The following MTMR3 variants were observed in gnomAD, a reference collection of about 807,000 sequenced individuals.
MTMR3 encodes the protein phosphatidylinositol-3,5-bisphosphate 3-phosphatase MTMR3.
A neutral mutation model predicts 132.4 loss-of-function variants in MTMR3; 32 were observed. The observed-to-expected ratio is 0.24, with a 90% CI of 0.18 to 0.32. The LOEUF (loss-of-function observed/expected upper bound fraction) is 0.32. MTMR3 is among the 10% of genes least tolerant of loss of function. The probability of loss-of-function intolerance (pLI) is 1.00; values close to 1 mark genes in which losing one functional copy is unlikely to be tolerated. For missense variants in MTMR3, 1,216 were observed against 1,489.6 expected, an observed-to-expected ratio of 0.82 and a Z score of 3.02; for synonymous variants, 556 against 550.3, an observed-to-expected ratio of 1.01 and a Z score of -0.14.
intron 5 of MTMR3, chr22:29,979,348 C>T (rs575384814): frequency 4.6e-5 from 11 of 240,790 alleles, no homozygotes; most frequent in Admixed American, 5.2e-5. Context: ...AAAAATTAGC[C>T]GGGCGTGGTG....
chr22:29,918,259 C>T (rs2065345709), intron 1 of MTMR3, among the ~76,000 whole-genome samples: 1 of 152,210 alleles, frequency 6.6e-6, no homozygotes, highest in Non-Finnish European at 1.5e-5. Flanking sequence ...TGCTTTCTTA[C>T]ACTAATATTC....
chr22:30,002,127 T>G (rs1456625807), intron 8 of MTMR3: 1 of 152,186 alleles, frequency 6.6e-6, no homozygotes, highest in Admixed American at 6.5e-5. Context: ...TATTGCTTCC[T>G]AGGATACCGG....
chr22:30,013,557 T>C lies in MTMR3; in HGVS notation c.1503+16T>C, dbSNP rs1200959751. 1 of 1,611,240 alleles carries C rather than the reference T, an allele frequency of 6.2e-7. No individual in the cohort carries two copies. Among genetic ancestry groups the C allele is most frequent in the Non-Finnish European group, 8.5e-7 (1 of 1,178,226 alleles). On this transcript the variant is annotated intron_variant, in intron 14 of 19. Coordinates refer to ENST00000401950, the MANE Select transcript of MTMR3 (RefSeq NM_021090.4). The stretch of plus-strand genomic sequence containing the variant: ...AGCATTCCTTGTAAGTTTCTTCATT[T>C]TGGGGACTTTCTCAATTTGAAGGAG...
chr22:30,007,908 T>G lies in MTMR3; in HGVS notation c.885T>G (p.Ser295=). 1 of 1,613,786 alleles carries G rather than the reference T, an allele frequency of 6.2e-7. No homozygotes were observed. Among genetic ancestry groups the G allele is most frequent in the South Asian group, 1.1e-5 (1 of 91,068 alleles). Residue 295 remains serine (S), a synonymous_variant, in exon 11 of 20, where the codon TCT becomes TCG. Transcript: ENST00000401950. ...CTCCCTCTGTGTCCCTAGATTCTTC[T>G]CTGTCAAATGCTTCAGGAGCAGAGA... ...GDLSDVEFDS[S]LSNASGAESL...
chr22:29,886,572 A>T (rs1351996369), intron 1 of MTMR3, among the ~76,000 whole-genome samples: 1 of 152,172 alleles, frequency 6.6e-6, no homozygotes, highest in African/African-American at 2.4e-5. Flanking sequence ...GACCTCAAGT[A>T]GTTTCTCTAG....
At chr22:29,897,933 ATACT>A (rs1188160421) in intron 1 of MTMR3, among the ~76,000 whole-genome samples, 1 of 152,116 alleles carries the variant, frequency 6.6e-6, no homozygotes, top group African/African-American at 2.4e-5. Context: ...ATTTTAGTAC[ATACT>A]TTCTATAATT....
At chr22:29,952,293 G>A (rs2066098206) in intron 1 of MTMR3, among the ~76,000 whole-genome samples, 1 of 152,130 alleles carries the variant, frequency 6.6e-6, no homozygotes, top group Non-Finnish European at 1.5e-5. Context: ...GTGCCCCACA[G>A]CTGGCAGAGT....
At chr22:30,021,824 A>C (rs1303202928) in intron 17 of MTMR3, 1 of 571,506 alleles carries the variant, frequency 1.7e-6, no homozygotes, top group African/African-American at 1.9e-5. Flanking sequence ...CACTGCACAC[A>C]ACCTGTGTAT....
At chr22:29,888,093 C>G (rs2064714471) in intron 1 of MTMR3, among the ~76,000 whole-genome samples, 1 of 152,110 alleles carries the variant, frequency 6.6e-6, no homozygotes, top group Non-Finnish European at 1.5e-5. Flanking sequence ...TCTCGGCTCA[C>G]TGTAACCTCT....
intron 10 of MTMR3, 187 bp downstream of exon 10, chr22:30,007,506 C>T: frequency 1.6e-6 from 1 of 643,798 alleles, no homozygotes; most frequent in South Asian, 2.0e-5. Context: ...TGTTTCAAAC[C>T]TGAATCAAGA....
chr22:29,947,177 T>C (rs2065969260), intron 1 of MTMR3, among the ~76,000 whole-genome samples: 1 of 152,178 alleles, frequency 6.6e-6, no homozygotes, highest in Non-Finnish European at 1.5e-5. Context: ...GATAAACATA[T>C]TATTTCTTTC....
Position 29,917,298 on chromosome 22 carries a change from T to A in MTMR3, c.-138+33939T>A, listed in dbSNP as rs550266362. On this transcript the variant is annotated intron_variant, in intron 1 of 19. Transcript: ENST00000401950. ...TCTTAGTAATATTAACCCCTTCACC[T>A]CCCCTGATAACCCAAGAAAAGATCC... 7.2e-5 allele frequency among the ~76,000 whole-genome samples: 11 copies of A among 152,232 alleles called. No individual in the cohort carries two copies. In the East Asian group the frequency reaches 2.1e-3, roughly 29 times the overall value.
chr22:29,999,444 A>G (rs1431061420), intron 8 of MTMR3: 2 of 152,232 alleles, frequency 1.3e-5, no homozygotes, highest in Non-Finnish European at 2.9e-5. Context: ...TCATATACAC[A>G]TTATACAGCT....
intron 1 of MTMR3, among the ~76,000 whole-genome samples, chr22:29,894,539 G>A (rs2064858654): frequency 7.1e-6 from 1 of 141,438 alleles, no homozygotes. Context: ...TGTGTGTGTT[G>A]TGGTATGTTT....
intron 1 of MTMR3, among the ~76,000 whole-genome samples, chr22:29,925,346 G>A (rs1162569940): frequency 6.6e-6 from 1 of 152,086 alleles, no homozygotes; most frequent in African/African-American, 2.4e-5. Context: ...ATTTTTTGAC[G>A]TCAGTGTTAA....
chr22:29,958,960 C>G (rs2066254213), intron 2 of MTMR3, among the ~76,000 whole-genome samples: 2 of 152,236 alleles, frequency 1.3e-5, no homozygotes, highest in South Asian at 2.1e-4. Context: ...ACTGTTTTTT[C>G]CCCACTTTTC....
intron 1 of MTMR3, among the ~76,000 whole-genome samples, chr22:29,948,382 A>T (rs935817838): frequency 1.3e-5 from 2 of 152,356 alleles, no homozygotes; most frequent in South Asian, 4.1e-4. Context: ...TAACATTAAC[A>T]TTCATTAACA....
intron 1 of MTMR3, among the ~76,000 whole-genome samples, chr22:29,951,896 T>G (rs1038164849): frequency 6.0e-5 from 9 of 150,990 alleles, no homozygotes; most frequent in African/African-American, 4.9e-5. Context: ...AAGGTTTTTT[T>G]TTTTTTTTTT....
At chr22:30,021,754 G>A in intron 17 of MTMR3, 1 of 397,748 alleles carries the variant, frequency 2.5e-6, no homozygotes, top group Non-Finnish European at 4.5e-6. Flanking sequence ...ATTCCATTTT[G>A]GTCACTTCCC....
Sources: gnomAD v4.1 joint callset for allele counts (sites outside exome capture counted in the v4.1 genomes callset) on GRCh38, gnomAD v4.1.1 for gene constraint, MANE v1.5 for transcripts, NCBI Gene and HGNC (gene_info 2026-07-23, HGNC 2026-07-21) for gene names.